Variants in PPP2R5C observed in about 807,000 individuals in gnomAD.
PPP2R5C encodes the protein protein phosphatase 2 regulatory subunit B'gamma, also known as serine/threonine-protein phosphatase 2A 56 kDa regulatory subunit gamma isoform.
In PPP2R5C, 7 loss-of-function variants were observed where a neutral mutation model predicts 68.9. The observed-to-expected ratio is 0.10, with a 90% confidence interval of 0.06 to 0.19. The LOEUF is 0.19. Ranked by LOEUF, PPP2R5C falls within the 10% of genes least tolerant of loss-of-function variation. The probability of loss-of-function intolerance (pLI) is 1.00; values close to 1 mark genes in which losing one functional copy is unlikely to be tolerated. For missense variants in PPP2R5C, 348 were observed against 641.3 expected (o/e 0.54, Z 4.94); for synonymous variants, 210 against 222.2 (o/e 0.95, Z 0.49).
intron 2 of PPP2R5C, among the ~76,000 whole-genome samples, chr14:101,763,552 T>C (rs151158634): frequency 0.01 from 1,577 of 152,148 alleles, 28 homozygotes; most frequent in African/African-American, 0.036. Flanking sequence ...CCGGCTAATT[T>C]TTGTATTTTT....
intron 1 of PPP2R5C, among the ~76,000 whole-genome samples, chr14:101,842,531 G>A (rs145821915): frequency 6.6e-6 from 1 of 152,306 alleles, no homozygotes; most frequent in East Asian, 1.9e-4. Context: ...ACCCAGGTGT[G>A]CTGGTGACAG....
At chr14:101,904,338 C>T (rs532144738) in intron 9 of PPP2R5C, among the ~76,000 whole-genome samples, 135 of 152,118 alleles carry the variant, frequency 8.9e-4, no homozygotes, top group African/African-American at 3.0e-3. Flanking sequence ...TTAGTAGAGA[C>T]GGGATTTCAC....
rs1420771924 is a variant in PPP2R5C at position 101,913,838 on chromosome 14, T to C, written c.1326+1365T>C. 2.0e-5 allele frequency among the ~76,000 whole-genome samples: 3 copies of C among 152,068 alleles called. No individual in the cohort carries two copies. Among genetic ancestry groups the C allele is most frequent in the Admixed American group, 6.6e-5 (1 of 15,260 alleles). On this transcript the variant is annotated intron_variant, in intron 12 of 13. Transcript: ENST00000334743. This position sits in a 1 kb window ranked among gnomAD's most constrained non-coding sequence, Gnocchi z 4.1. The stretch of plus-strand genomic sequence containing the variant: ...GTCAAGGACCCCAGTACACATGCAG[T>C]TGAAATCAGTAGCCTCGAAAACATG...
chr14:101,776,658 C>T (rs1009338549), intron 2 of PPP2R5C, among the ~76,000 whole-genome samples: 2 of 152,024 alleles, frequency 1.3e-5, no homozygotes, highest in South Asian at 4.2e-4. Context: ...CCAGAAAGTC[C>T]TCCTCACCCT....
chr14:101,823,566 T>C (rs1454421462), intron 1 of PPP2R5C: 1 of 176,936 alleles, frequency 5.7e-6, no homozygotes, highest in Non-Finnish European at 1.1e-5. Context: ...TCAAAGCTCC[T>C]CGCAAAAGGG....
rs1330483063 is a variant in PPP2R5C, at chr14:101,882,683, G to A, written c.405+412G>A. The A allele has an allele frequency of 7.9e-5, 13 of 164,474 alleles. 1 individual carries two copies. Among genetic ancestry groups the A allele is most frequent in the South Asian group, 3.5e-4 (2 of 5,682 alleles). 10.2% of individuals were successfully genotyped at this position (164,474 alleles called of 1,614,324 possible). On this transcript the variant is annotated intron_variant, in intron 3 of 13. Coordinates refer to ENST00000334743, the Ensembl canonical transcript of PPP2R5C. The surrounding 1 kb of genome is among the most constrained non-coding windows in gnomAD (Gnocchi z 4.9). ...GCAGAAGGTTGGTTGGCAAGGAGGCGCCAGGGTCGGCATGAGCAGAGCGGG... is the reference window on the plus strand; with the variant it reads ...GCAGAAGGTTGGTTGGCAAGGAGGCACCAGGGTCGGCATGAGCAGAGCGGG...
chr14:101,840,677 A>C (rs2041411409), intron 1 of PPP2R5C, among the ~76,000 whole-genome samples: 1 of 152,150 alleles, frequency 6.6e-6, no homozygotes, highest in Non-Finnish European at 1.5e-5. Context: ...TTTGGGGTTC[A>C]TTCAGCCTCT....
intron 1 of PPP2R5C, among the ~76,000 whole-genome samples, chr14:101,816,425 C>CA (rs2039673134): frequency 6.6e-6 from 1 of 152,126 alleles, no homozygotes; most frequent in African/African-American, 2.4e-5. Context: ...ACACATAAAT[C>CA]AAAAACTCTT....
chr14:101,868,906 T>TTTTG (rs543692887), intron 2 of PPP2R5C, among the ~76,000 whole-genome samples: 3,718 of 152,028 alleles, frequency 0.024, 92 homozygotes, highest in African/African-American at 0.055. Flanking sequence ...TTTCTTTTGG[T>TTTTG]TTTGTTTGTT....
At chr14:101,902,277 A>G (rs2045732895) in intron 9 of PPP2R5C, among the ~76,000 whole-genome samples, 2 of 152,182 alleles carry the variant, frequency 1.3e-5, no homozygotes, top group African/African-American at 4.8e-5. Context: ...CGTTCCTGAC[A>G]CTGTGTAAAT....
At chr14:101,831,935 T>G (rs2040770604) in intron 1 of PPP2R5C, 2 of 547,760 alleles carry the variant, frequency 3.7e-6, no homozygotes, top group Non-Finnish European at 6.6e-6. Flanking sequence ...GATACAGCTT[T>G]GAAGGCAAAA....
At position 101,873,447 on chromosome 14, in the gene PPP2R5C, G is replaced by A. The variant is rs151099398; in HGVS notation, c.295-8714G>A. On this transcript the variant is annotated intron_variant, in intron 2 of 13. Transcript: ENST00000334743. The stretch of plus-strand genomic sequence containing the variant: ...TTGCTTTTTCAGATGTTTTAGGCAG[G>A]AACAGTTATATTAAAACCAGAGCTA... Among the ~76,000 whole-genome samples, 133 of 152,234 alleles carry A rather than the reference G, an allele frequency of 8.7e-4. 1 individual carries two copies. Among genetic ancestry groups the A allele is most frequent in the African/African-American group, 2.9e-3 (121 of 41,542 alleles).
chr14:101,893,705 G>A (rs181216756), intron 7 of PPP2R5C, among the ~76,000 whole-genome samples: 60 of 152,328 alleles, frequency 3.9e-4, no homozygotes, highest in Admixed American at 2.5e-3. Context: ...AGCCGAGATC[G>A]CGCCATTGCA....
intron 1 of PPP2R5C, among the ~76,000 whole-genome samples, chr14:101,816,926 TA>T (rs2039747237): frequency 1.4e-5 from 2 of 140,520 alleles, no homozygotes; most frequent in South Asian, 2.1e-4. Context: ...TATATTTATA[TA>T]ATATATATAA....
intron 2 of PPP2R5C, among the ~76,000 whole-genome samples, chr14:101,776,672 A>G (rs2037436142): frequency 6.6e-6 from 1 of 152,048 alleles, no homozygotes. Context: ...TCACCCTAAA[A>G]GGAAGCCCCA....
exon 14 of PPP2R5C, chr14:101,925,313 T>G: frequency 6.2e-7 from 1 of 1,605,620 alleles, no homozygotes; most frequent in Non-Finnish European, 8.5e-7. Context: ...GCCAGTTCTT[T>G]TCCGGATTCT....
upstream of PPP2R5C, chr14:101,761,688 G>A (rs1595091641): frequency 5.3e-6 from 1 of 189,986 alleles, no homozygotes; most frequent in Non-Finnish European, 8.9e-6. Context: ...CGCCGCCGCT[G>A]CCGCCGCCGC....
intron 10 of PPP2R5C, among the ~76,000 whole-genome samples, chr14:101,907,590 TAAA>T (rs1214199452): frequency 6.6e-6 from 1 of 152,156 alleles, no homozygotes; most frequent in Non-Finnish European, 1.5e-5. Context: ...ACTCAGAACT[TAAA>T]GAAGAGCAGG....
intron 2 of PPP2R5C, among the ~76,000 whole-genome samples, chr14:101,770,265 GAT>G (rs1375228747): frequency 1.3e-5 from 2 of 152,318 alleles, no homozygotes; most frequent in Non-Finnish European, 2.9e-5. Context: ...TGTTTTATAA[GAT>G]AGGGTTTGTT....
Sources: gnomAD v4.1 joint callset for allele counts (sites outside exome capture counted in the v4.1 genomes callset) on GRCh38, gnomAD v4.1.1 for gene constraint, Gnocchi (gnomAD v3.1) non-coding constraint, MANE v1.5 for transcripts, NCBI Gene and HGNC (gene_info 2026-07-23, HGNC 2026-07-21) for gene names.